Variants in SMIM14 observed in about 807,000 individuals in gnomAD.
SMIM14 encodes small integral membrane protein 14, also known as chromosome 4 open reading frame 34.
SMIM14 carries 5 observed loss-of-function variants against 12.6 expected under a neutral mutation model. The ratio of observed to expected loss-of-function variants is 0.40; its 90% CI spans 0.21 to 0.83. The LOEUF is 0.83. Among genes scored for constraint, SMIM14 ranks in the 40% least tolerant of loss-of-function variants. SMIM14 has a pLI of 0.37. For synonymous variants in SMIM14, 30 were observed against 40.1 expected, an observed-to-expected ratio of 0.75 and a Z score of 0.95; for missense variants, 86 against 119.1, an observed-to-expected ratio of 0.72 and a Z score of 1.29.
chr4:39,563,203 G>C lies in SMIM14; in HGVS notation c.125-6633C>G, dbSNP rs1712403992. ...AGCCTCCCAAGTAGCTGGGATTACA[G>C]GTGCTCGCCTCCACACCCGGCTAAT... On this transcript the variant is annotated intron_variant, in intron 3 of 4. Transcript: ENST00000295958. Among the ~76,000 whole-genome samples, 4 of 152,156 alleles carry C rather than the reference G, an allele frequency of 2.6e-5. No homozygotes were observed. The South Asian group carries it at 8.3e-4, about 32-fold the overall frequency.
At chr4:39,618,578 A>G (rs1431071181) in intron 1 of SMIM14, among the ~76,000 whole-genome samples, 1 of 142,218 alleles carries the variant, frequency 7.0e-6, no homozygotes, top group Non-Finnish European at 1.5e-5. Context: ...TGAACCCAGG[A>G]GGCAGAGGTT....
At chr4:39,621,996 A>C (rs1020070051) in intron 1 of SMIM14, among the ~76,000 whole-genome samples, 1 of 148,356 alleles carries the variant, frequency 6.7e-6, no homozygotes, top group African/African-American at 2.5e-5. Context: ...TTTCTTTCTT[A>C]ATAATATGGA....
chr4:39,546,352 T>C lies in SMIM14; in HGVS notation c.*5774A>G, dbSNP rs1747347865. The C allele has an allele frequency of 6.6e-6, 1 of 152,200 alleles. No homozygotes were observed. The highest frequency in any genetic ancestry group is 2.4e-5 in the African/African-American group (1 of 41,458). The allele number at this position is 152,200 out of a possible 1,614,324, so 9.4% of individuals were successfully genotyped here. ...GTATAAAAATTTGTTGAAGTGTTTA[T>C]TGAACGAACATAATACATTTGTCTG... On this transcript the variant is annotated 3_prime_UTR_variant, in exon 5 of 5. Coordinates refer to ENST00000295958, the MANE Select transcript of SMIM14 (RefSeq NM_174921.3).
chr4:39,623,537 T>C (rs1715581915), intron 1 of SMIM14, among the ~76,000 whole-genome samples: 1 of 152,128 alleles, frequency 6.6e-6, no homozygotes. Flanking sequence ...ATCTTCACAG[T>C]GATGAAGAAC....
intron 1 of SMIM14, among the ~76,000 whole-genome samples, chr4:39,637,572 G>C (rs1368286344): frequency 6.6e-6 from 1 of 151,400 alleles, no homozygotes; most frequent in Non-Finnish European, 1.5e-5. Context: ...TCTCGGGGGT[G>C]AAGCGGTGTT....
At chr4:39,604,195 T>A (rs1273425412) in intron 2 of SMIM14, among the ~76,000 whole-genome samples, 1 of 152,124 alleles carries the variant, frequency 6.6e-6, no homozygotes, top group African/African-American at 2.4e-5. Flanking sequence ...TATACATATG[T>A]GTTATCTACC....
chr4:39,566,694 C>T (rs1482561145), intron 3 of SMIM14, among the ~76,000 whole-genome samples: 2 of 152,112 alleles, frequency 1.3e-5, no homozygotes, highest in African/African-American at 2.4e-5. Context: ...TTAGGCCAGG[C>T]GTGGTGGCTC....
At chr4:39,601,847 T>C (rs1480109821) in intron 2 of SMIM14, among the ~76,000 whole-genome samples, 1 of 149,632 alleles carries the variant, frequency 6.7e-6, no homozygotes, top group African/African-American at 2.5e-5. Flanking sequence ...CCTGGGAGGC[T>C]AAAGTGGGAG....
intron 3 of SMIM14, among the ~76,000 whole-genome samples, chr4:39,570,725 T>G (rs573898135): frequency 2.0e-5 from 3 of 152,004 alleles, no homozygotes; most frequent in Admixed American, 2.0e-4. Flanking sequence ...GGCATGAACA[T>G]AGCTCACTGC....
chr4:39,612,425 G>GC (rs1462800518), intron 1 of SMIM14, among the ~76,000 whole-genome samples: 1 of 151,910 alleles, frequency 6.6e-6, no homozygotes, highest in Non-Finnish European at 1.5e-5. Flanking sequence ...CTGGATATAA[G>GC]CAAGTGTTAA....
intron 2 of SMIM14, among the ~76,000 whole-genome samples, chr4:39,600,416 G>A (rs918531487): frequency 6.6e-6 from 1 of 152,032 alleles, no homozygotes; most frequent in African/African-American, 2.4e-5. Flanking sequence ...AGGGCCGGGT[G>A]TGGTGGCTGA....
intron 1 of SMIM14, among the ~76,000 whole-genome samples, chr4:39,628,680 T>TCAAA (rs1553867568): frequency 0.039 from 3,430 of 87,066 alleles, 145 homozygotes; most frequent in African/African-American, 0.11. Flanking sequence ...AGACTCCGTC[T>TCAAA]CAAACAAACA....
At chr4:39,590,801 C>T (rs1292023244) in intron 2 of SMIM14, among the ~76,000 whole-genome samples, 3 of 112,010 alleles carry the variant, frequency 2.7e-5, no homozygotes, top group Non-Finnish European at 3.6e-5. Context: ...CACTCTGTCT[C>T]AAAAAAAAAA....
chr4:39,603,197 T>C (rs1714681072), intron 2 of SMIM14, among the ~76,000 whole-genome samples: 1 of 152,212 alleles, frequency 6.6e-6, no homozygotes, highest in African/African-American at 2.4e-5. Context: ...ACCAGTATAA[T>C]GTGTAATATA....
intron 2 of SMIM14, among the ~76,000 whole-genome samples, chr4:39,583,565 G>T (rs537236442): frequency 6.6e-6 from 1 of 152,008 alleles, no homozygotes; most frequent in Non-Finnish European, 1.5e-5. Context: ...TAAAAATAAC[G>T]CAAACATGAC....
At chr4:39,556,028 G>A (rs1237948106) in intron 4 of SMIM14, among the ~76,000 whole-genome samples, 1 of 152,058 alleles carries the variant, frequency 6.6e-6, no homozygotes, top group Non-Finnish European at 1.5e-5. Context: ...CAAAAAACTA[G>A]CCAGGTGTGC....
intron 2 of SMIM14, among the ~76,000 whole-genome samples, chr4:39,596,199 G>C (rs373960394): frequency 6.6e-6 from 1 of 151,970 alleles, no homozygotes; most frequent in Non-Finnish European, 1.5e-5. Context: ...AGGTCCAAGC[G>C]ATTCTCCTGC....
In SMIM14 at chr4:39,612,546, C is replaced by A. The variant is rs28591648; in HGVS notation, c.-35-7366G>T. Among the ~76,000 whole-genome samples the A allele has an allele frequency of 3.1e-3, 478 of 152,186 alleles. 3 individuals carry two copies. Among genetic ancestry groups the A allele is most frequent in the African/African-American group, 0.011 (451 of 41,480 alleles). On this transcript the variant is annotated intron_variant, in intron 1 of 4. Coordinates refer to ENST00000295958, the MANE Select transcript of SMIM14 (RefSeq NM_174921.3). ...ATCCTTCCTTACTCCTGACGTGTAT[C>A]CCCCCAGGCCAATACTGTGTTGGTT...
At chr4:39,593,639 A>G (rs1311908048) in intron 2 of SMIM14, 2 of 152,206 alleles carry the variant, frequency 1.3e-5, no homozygotes, top group Non-Finnish European at 2.9e-5. Flanking sequence ...ACATGATTGT[A>G]TATCTAGAAA....
Sources: gnomAD v4.1 joint callset for allele counts (sites outside exome capture counted in the v4.1 genomes callset) on GRCh38, gnomAD v4.1.1 for gene constraint, MANE v1.5 for transcripts, NCBI Gene and HGNC (gene_info 2026-07-23, HGNC 2026-07-21) for gene names.